HMGA2: variants seen among roughly 807,000 people sequenced by gnomAD.
HMGA2 encodes high mobility group protein HMGI-C.
HMGA2 carries 8 observed loss-of-function variants against 19.1 expected under a neutral mutation model. That is an observed-to-expected ratio of 0.42 (90% CI 0.25 to 0.76). HMGA2 has a LOEUF of 0.76. Among genes scored for constraint, HMGA2 ranks in the 30% least tolerant of loss-of-function variants. The pLI is 0.28. For missense variants in HMGA2, 109 were observed against 136.3 expected (o/e 0.80, Z 1.00); for synonymous variants, 60 against 48.8 (o/e 1.23, Z -0.96).
chr12:65,954,534 C>T (rs1296724618), intron 4 of HMGA2: 1 of 152,168 alleles, frequency 6.6e-6, no homozygotes, highest in Non-Finnish European at 1.5e-5. Context: ...CTTGTTGAAC[C>T]TGGGGTACAA....
chr12:65,832,132 C>A (rs1448125396), intron 2 of HMGA2, among the ~76,000 whole-genome samples: 1 of 151,882 alleles, frequency 6.6e-6, no homozygotes, highest in Non-Finnish European at 1.5e-5. Flanking sequence ...AACTGTTGTT[C>A]CATTATCTTG....
chr12:65,876,396 A>T (rs1240446910), intron 3 of HMGA2, among the ~76,000 whole-genome samples: 1 of 152,230 alleles, frequency 6.6e-6, no homozygotes, highest in Non-Finnish European at 1.5e-5. Flanking sequence ...AGTCACATCT[A>T]TTAAAACAGT....
chr12:65,920,836 G>A (rs1278181201), intron 3 of HMGA2, among the ~76,000 whole-genome samples: 1 of 152,142 alleles, frequency 6.6e-6, no homozygotes, highest in East Asian at 1.9e-4. Flanking sequence ...CAGTAAATTG[G>A]TACCAGGAGA....
chr12:65,932,921 G>A (rs1394293636), intron 3 of HMGA2, among the ~76,000 whole-genome samples: 1 of 152,166 alleles, frequency 6.6e-6, no homozygotes, highest in Non-Finnish European at 1.5e-5. Flanking sequence ...TAGCCAATGA[G>A]GTTGTTCTTG....
intron 3 of HMGA2, among the ~76,000 whole-genome samples, chr12:65,841,735 T>G (rs1220299252): frequency 6.6e-6 from 1 of 152,238 alleles, no homozygotes; most frequent in Non-Finnish European, 1.5e-5. Flanking sequence ...TATTTTGCTT[T>G]GTTTTAAAGT....
chr12:65,874,210 T>C (rs1454672468), intron 3 of HMGA2: 1 of 151,386 alleles, frequency 6.6e-6, no homozygotes, highest in Admixed American at 6.6e-5. Flanking sequence ...AGAAAACTTA[T>C]TTTTGTTTTA....
intron 3 of HMGA2, among the ~76,000 whole-genome samples, chr12:65,861,758 C>G (rs1287061035): frequency 9.3e-5 from 14 of 149,954 alleles, no homozygotes; most frequent in Non-Finnish European, 1.5e-5. Context: ...TTTTTTTTCT[C>G]TCTGTGAACT....
chr12:65,911,163 C>T (rs1430480169), intron 3 of HMGA2, among the ~76,000 whole-genome samples: 2 of 152,168 alleles, frequency 1.3e-5, no homozygotes, highest in Non-Finnish European at 2.9e-5. Flanking sequence ...GTATCCAACT[C>T]AATTGGTATA....
intron 3 of HMGA2, among the ~76,000 whole-genome samples, chr12:65,884,658 G>A (rs1315920298): frequency 1.3e-5 from 2 of 152,082 alleles, no homozygotes; most frequent in Non-Finnish European, 2.9e-5. Context: ...TCTCTATTAA[G>A]ATTTTTCATA....
chr12:65,847,450 T>C (rs756906219), intron 3 of HMGA2, among the ~76,000 whole-genome samples: 8 of 152,244 alleles, frequency 5.3e-5, no homozygotes, highest in Non-Finnish European at 8.8e-5. Flanking sequence ...CTTAATTATA[T>C]ACTTTAATAT....
intron 3 of HMGA2, among the ~76,000 whole-genome samples, chr12:65,884,910 G>A (rs559990008): frequency 2.9e-4 from 44 of 152,246 alleles, no homozygotes; most frequent in African/African-American, 7.9e-4. Flanking sequence ...TTCAAATTGC[G>A]CCTGGCACAT....
intron 3 of HMGA2, chr12:65,881,376 G>A (rs1234137366): frequency 4.0e-6 from 1 of 251,910 alleles, no homozygotes; most frequent in African/African-American, 2.2e-5. Flanking sequence ...ATTTTTTTCA[G>A]ATGTAGCATC....
At chr12:65,842,457 G>A in intron 3 of HMGA2, 1 of 725,640 alleles carries the variant, frequency 1.4e-6, no homozygotes, top group East Asian at 2.7e-5. Context: ...AAGTAACAGA[G>A]TTATATGTCA....
At chr12:65,853,063 C>T (rs756479217) in intron 3 of HMGA2, among the ~76,000 whole-genome samples, 6 of 152,178 alleles carry the variant, frequency 3.9e-5, no homozygotes, top group Admixed American at 2.0e-4. Flanking sequence ...GGACAATGGC[C>T]GTGTCTGCAG....
intron 3 of HMGA2, among the ~76,000 whole-genome samples, chr12:65,920,713 C>T (rs972320800): frequency 4.6e-5 from 7 of 152,208 alleles, no homozygotes; most frequent in African/African-American, 1.7e-4. Flanking sequence ...TCGCCTCCCG[C>T]TATGATTCTG....
chr12:65,930,572 C>G (rs1273337802), intron 3 of HMGA2, among the ~76,000 whole-genome samples: 5 of 152,212 alleles, frequency 3.3e-5, no homozygotes, highest in African/African-American at 9.6e-5. Context: ...TGCTTTTTGT[C>G]TGCTGCTTTG....
chr12:65,830,447 G>A (rs1336960971), intron 2 of HMGA2, among the ~76,000 whole-genome samples: 1 of 151,958 alleles, frequency 6.6e-6, no homozygotes, highest in Non-Finnish European at 1.5e-5. Flanking sequence ...GAATAGATAT[G>A]AGAAGTCTTC....
intron 2 of HMGA2, 22 bp from the exon 3 acceptor site, chr12:65,838,497 T>C: frequency 6.2e-7 from 1 of 1,600,648 alleles, no homozygotes; most frequent in Non-Finnish European, 8.6e-7. Context: ...AAAACTATAA[T>C]GACTTCCTTT....
At chr12:65,876,607 C>T (rs533806682) in intron 3 of HMGA2, among the ~76,000 whole-genome samples, 13 of 152,292 alleles carry the variant, frequency 8.5e-5, no homozygotes, top group African/African-American at 2.4e-4. Flanking sequence ...TTATAAAGCA[C>T]GCAAAACAAT....
Sources: gnomAD v4.1 joint callset for allele counts (sites outside exome capture counted in the v4.1 genomes callset) on GRCh38, gnomAD v4.1.1 for gene constraint, MANE v1.5 for transcripts, NCBI Gene and HGNC (gene_info 2026-07-23, HGNC 2026-07-21) for gene names.